The following LGALS3 variants were observed in gnomAD, a reference collection of about 807,000 sequenced individuals.
The protein encoded by LGALS3 is galectin 3, also known as galectin-3.
In LGALS3, 18 loss-of-function variants were observed where a neutral mutation model predicts 20.7. That is an observed-to-expected ratio of 0.87 (90% CI 0.60 to 1.29). The LOEUF is 1.29. Ranked by LOEUF, LGALS3 falls within the 50% of genes most tolerant of loss-of-function variation. The pLI, the probability that LGALS3 is intolerant of heterozygous loss-of-function variation, is 0.00. For synonymous variants in LGALS3, 112 were observed against 119.6 expected (o/e 0.94, Z 0.42); for missense variants, 315 against 314.7 (o/e 1.00, Z -0.01).
At chr14:55,136,446 G>T (rs1413313174) in intron 1 of LGALS3, among the ~76,000 whole-genome samples, 1 of 152,026 alleles carries the variant, frequency 6.6e-6, no homozygotes, top group Non-Finnish European at 1.5e-5. Flanking sequence ...TAGCATCTGT[G>T]ACTTGTTATT....
intron 1 of LGALS3, among the ~76,000 whole-genome samples, chr14:55,134,732 T>G (rs572789006): frequency 6.6e-6 from 1 of 152,286 alleles, no homozygotes; most frequent in East Asian, 1.9e-4. Flanking sequence ...GTAACGTAAA[T>G]GAAAGATGCA....
rs10606761 is a variant in LGALS3 at position 55,137,992 on chromosome 14, TCTG to T, written c.19-50_19-48del. The T allele has an allele frequency of 0.025, 36,213 of 1,460,570 alleles. 2,714 individuals carry two copies. In the African/African-American group the frequency reaches 0.25, roughly 10 times the overall value. The allele number at this position is 1,460,570 out of a possible 1,614,324, so 90.5% of individuals were successfully genotyped here. A position where few individuals can be genotyped will look rare whatever the true frequency, so the allele number is the denominator to read the frequency against. ...CACATATTCCTATTTTCCTGAAAAT[TCTG>T]CTTTTGAGAATGCTTTCTGTCCCGT... is the stretch of plus-strand genomic sequence containing the variant. On this transcript the variant is annotated intron_variant, in intron 2 of 5. Transcript: ENST00000254301.
chr14:55,137,823 G>A, intron 2 of LGALS3: 1 of 1,301,936 alleles, frequency 7.7e-7, no homozygotes, highest in African/African-American at 1.5e-5. Context: ...CCTGATCTGA[G>A]ACGTTGGGAG....
intron 3 of LGALS3, among the ~76,000 whole-genome samples, chr14:55,139,463 A>G (rs937556913): frequency 3.3e-5 from 5 of 152,166 alleles, no homozygotes; most frequent in Admixed American, 6.5e-5. Flanking sequence ...AGGACTAGAA[A>G]GAAAATATTT....
intron 5 of LGALS3, 66 bp downstream of exon 5, chr14:55,142,815 C>T (rs1362693172): frequency 7.5e-7 from 1 of 1,331,008 alleles, no homozygotes; most frequent in Non-Finnish European, 1.1e-6. Context: ...TCTAAAACCC[C>T]AAAGCACTTG....
intron 5 of LGALS3, among the ~76,000 whole-genome samples, 187 bp downstream of exon 5, chr14:55,142,936 C>T (rs1185485339): frequency 6.6e-6 from 1 of 152,138 alleles, no homozygotes; most frequent in Non-Finnish European, 1.5e-5. Context: ...GCACACTCCC[C>T]AGTTCCTTTC....
At chr14:55,135,851 C>CA (rs1881378880) in intron 1 of LGALS3, among the ~76,000 whole-genome samples, 1 of 152,166 alleles carries the variant, frequency 6.6e-6, no homozygotes, top group South Asian at 2.1e-4. Context: ...AGGCATGAGC[C>CA]ACCACACCCA....
intron 4 of LGALS3, among the ~76,000 whole-genome samples, chr14:55,141,438 C>T (rs1264223340): frequency 6.6e-6 from 1 of 152,204 alleles, no homozygotes; most frequent in East Asian, 1.9e-4. Context: ...TATTAAATAT[C>T]TGCTCTCCTC....
chr14:55,142,126 G>A (rs543246598), intron 4 of LGALS3, among the ~76,000 whole-genome samples: 12 of 152,328 alleles, frequency 7.9e-5, no homozygotes, highest in African/African-American at 2.9e-4. Flanking sequence ...GGTTAATTAT[G>A]AGGAAGCCAG....
chr14:55,135,560 G>GTTTT lies in LGALS3; in HGVS notation c.-4-1789_-4-1786dup, dbSNP rs762172869. Among the ~76,000 whole-genome samples the GTTTT allele has an allele frequency of 5.8e-3, 621 of 106,554 alleles. 31 individuals carry two copies. Among genetic ancestry groups the GTTTT allele is most frequent in the African/African-American group, 0.024 (571 of 23,648 alleles). The allele number at this position is 106,554 out of a possible 152,430, so 69.9% of individuals were successfully genotyped here. A position where few individuals can be genotyped will look rare whatever the true frequency, so the allele number is the denominator to read the frequency against. On this transcript the variant is annotated intron_variant, in intron 1 of 5. Coordinates refer to ENST00000254301, the MANE Select transcript of LGALS3 (RefSeq NM_002306.4). ...ACCAAAAATAAGGTAATATTTTATG[G>GTTTT]TTTTTTTTTTTTTTTTTTTTTTTTG...
intron 4 of LGALS3, 171 bp downstream of exon 4, chr14:55,140,534 C>A (rs1881584328): frequency 1.9e-6 from 1 of 535,886 alleles, no homozygotes; most frequent in East Asian, 3.0e-5. Flanking sequence ...AGGATTATCC[C>A]ATAAATCCAT....
Position 55,129,472 on chromosome 14 carries a change from G to A in LGALS3, c.-5+172G>A, listed in dbSNP as rs1881162803. On this transcript the variant is annotated intron_variant, in intron 1 of 5. Transcript: ENST00000254301. This position sits in a 1 kb window ranked among gnomAD's most constrained non-coding sequence, Gnocchi z 5.3. ...CCCTCCAGGAGCGGGGCGGCGGGCA[G>A]CGATCTGGGCCCGGGGCAGTCGCCT... Among the ~76,000 whole-genome samples the A allele has an allele frequency of 6.6e-6, 1 of 152,244 alleles. No individual in the cohort carries two copies. Among genetic ancestry groups the A allele is most frequent in the East Asian group, 1.9e-4 (1 of 5,150 alleles).
rs371871619 is a variant in LGALS3, at chr14:55,142,590, T to C, written c.438T>C (p.Ala146=). 56 of 1,612,906 alleles carry C rather than the reference T, an allele frequency of 3.5e-5. No individual in the cohort carries two copies. The African/African-American group carries it at 7.3e-4, about 21-fold the overall frequency. The stretch of plus-strand genomic sequence containing the variant: ...GGTCTTTGGTTTAAAACAGAATTGC[T>C]TTAGATTTCCAAAGAGGGAATGATG... ...GTVKPNANRI[A]LDFQRGNDVA... The change falls in exon 5 of 6, where the codon GCT becomes GCC. Residue 146 remains alanine, a synonymous_variant. Transcript: ENST00000254301.
In LGALS3 at chr14:55,140,946, T is replaced by C. The variant is rs907253348; in HGVS notation, c.431+583T>C. On this transcript the variant is annotated intron_variant, in intron 4 of 5. Coordinates refer to ENST00000254301, the MANE Select transcript of LGALS3 (RefSeq NM_002306.4). ...CTGGTTGTCACCACTGGTTATGTAG[T>C]ACTTACATATCATACAAGGAAGCTG... Among the ~76,000 whole-genome samples the C allele has an allele frequency of 3.9e-5, 6 of 152,316 alleles. 1 individual carries two copies. The highest frequency in any genetic ancestry group is 1.5e-5 in the Non-Finnish European group (1 of 68,022).
Position 55,142,706 on chromosome 14 carries a change from A to G in LGALS3, c.554A>G (p.Glu185Gly), listed in dbSNP as rs542583325. Residue 185 changes from glutamate to glycine, a missense_variant, in exon 5 of 6, where the codon GAA becomes GGA. Coordinates refer to ENST00000254301, the MANE Select transcript of LGALS3 (RefSeq NM_002306.4). Reference sequence around the variant, plus strand: ...CTGGATAATAACTGGGGAAGGGAAGAAAGACAGTCGGTTTTCCCATTTGAA... The same window carrying G: ...CTGGATAATAACTGGGGAAGGGAAGGAAGACAGTCGGTTTTCCCATTTGAA... ...TKLDNNWGREERQSVFPFESG... is the reference protein window; with the variant it reads ...TKLDNNWGREGRQSVFPFESG... 1 of 1,613,984 alleles carries G rather than the reference A, an allele frequency of 6.2e-7. No individual in the cohort carries two copies. Among genetic ancestry groups the G allele is most frequent in the South Asian group, 1.1e-5 (1 of 91,072 alleles).
At chr14:55,132,952 A>G (rs184253710) in intron 1 of LGALS3, among the ~76,000 whole-genome samples, 126 of 152,344 alleles carry the variant, frequency 8.3e-4, no homozygotes, top group Non-Finnish European at 6.8e-4. Context: ...TATTGGTTAA[A>G]ATGTCATTAT....
intron 1 of LGALS3, among the ~76,000 whole-genome samples, chr14:55,133,455 A>G (rs1881291725): frequency 6.6e-6 from 1 of 152,154 alleles, no homozygotes; most frequent in Non-Finnish European, 1.5e-5. Context: ...CTACTAAGTG[A>G]CTTGTGGGTG....
chr14:55,130,056 ACT>A (rs1417017894), intron 1 of LGALS3, among the ~76,000 whole-genome samples: 7 of 151,696 alleles, frequency 4.6e-5, no homozygotes, highest in Non-Finnish European at 1.0e-4. Flanking sequence ...AAGACTGCAA[ACT>A]CTAAGCTTTT....
In LGALS3 at chr14:55,138,331, C is replaced by A. The variant is rs768777086; in HGVS notation, c.305C>A (p.Pro102His). ...CAGCCAAGTGCCACCGGAGCCTACCCTGCCACTGGCCCCTATGGCGCCCCT... is the reference window on the plus strand; with the variant it reads ...CAGCCAAGTGCCACCGGAGCCTACCATGCCACTGGCCCCTATGGCGCCCCT... Reference protein sequence around the residue: ...SGQPSATGAYPATGPYGAPAG... With the variant: ...SGQPSATGAYHATGPYGAPAG... The change falls in exon 3 of 6, where the codon CCT becomes CAT. Residue 102 changes from proline (P) to histidine (H), a missense_variant. Coordinates refer to ENST00000254301, the MANE Select transcript of LGALS3 (RefSeq NM_002306.4). 6.2e-7 allele frequency: 1 copy of A among 1,612,850 alleles called. No homozygotes were observed. The highest frequency in any genetic ancestry group is 1.1e-5 in the South Asian group (1 of 91,078).
Sources: gnomAD v4.1 joint callset for allele counts (sites outside exome capture counted in the v4.1 genomes callset) on GRCh38, gnomAD v4.1.1 for gene constraint, Gnocchi (gnomAD v3.1) non-coding constraint, MANE v1.5 for transcripts, NCBI Gene and HGNC (gene_info 2026-07-23, HGNC 2026-07-21) for gene names.